ATXN1: variants seen among roughly 807,000 people sequenced by gnomAD.
The protein encoded by ATXN1 is ataxin-1.
Under a neutral mutation model 56.4 loss-of-function variants are expected in ATXN1, and 8 were observed. The ratio of observed to expected loss-of-function variants is 0.14; its 90% CI spans 0.08 to 0.26. ATXN1 has a LOEUF of 0.26. Ranked by LOEUF, ATXN1 falls within the 10% of genes least tolerant of loss-of-function variation. The probability of loss-of-function intolerance (pLI) is 1.00; values close to 1 mark genes in which losing one functional copy is unlikely to be tolerated. For missense variants in ATXN1, 987 were observed against 1,106.5 expected, an observed-to-expected ratio of 0.89 and a Z score of 1.53; for synonymous variants, 514 against 494.6, an observed-to-expected ratio of 1.04 and a Z score of -0.52.
chr6:16,500,338 A>G (rs1343423550), intron 5 of ATXN1, among the ~76,000 whole-genome samples: 3 of 152,156 alleles, frequency 2.0e-5, no homozygotes, highest in African/African-American at 7.2e-5. Flanking sequence ...ATTGATTTTA[A>G]TACAATTGTT....
At chr6:16,502,707 C>G (rs945664307) in intron 5 of ATXN1, among the ~76,000 whole-genome samples, 2 of 152,064 alleles carry the variant, frequency 1.3e-5, no homozygotes, top group African/African-American at 4.8e-5. Context: ...GACAAGAAAA[C>G]TCAGAAAAAA....
chr6:16,554,270 C>T (rs1761971767), intron 4 of ATXN1, among the ~76,000 whole-genome samples: 1 of 152,164 alleles, frequency 6.6e-6, no homozygotes, highest in Admixed American at 6.5e-5. Flanking sequence ...TTGTTCAAGG[C>T]CATCAAGAGG....
At chr6:16,311,221 T>G (rs1431150613) in intron 7 of ATXN1, among the ~76,000 whole-genome samples, 1 of 152,250 alleles carries the variant, frequency 6.6e-6, no homozygotes, top group Non-Finnish European at 1.5e-5. Flanking sequence ...GCTCTTCCAA[T>G]TTTGTAAATT....
chr6:16,620,704 G>C (rs1021039180), intron 3 of ATXN1, among the ~76,000 whole-genome samples: 3 of 152,190 alleles, frequency 2.0e-5, no homozygotes, highest in Non-Finnish European at 4.4e-5. Context: ...AAAGGCTTTA[G>C]CCCTCCATGG....
intron 6 of ATXN1, among the ~76,000 whole-genome samples, chr6:16,470,935 A>C (rs1009571188): frequency 3.3e-5 from 5 of 152,196 alleles, no homozygotes; most frequent in Non-Finnish European, 7.3e-5. Flanking sequence ...TGTCTCAACA[A>C]GACTGTTTTT....
intron 2 of ATXN1, among the ~76,000 whole-genome samples, chr6:16,668,525 T>TATA (rs1185603825): frequency 6.6e-6 from 1 of 152,136 alleles, no homozygotes; most frequent in African/African-American, 2.4e-5. Context: ...AACAGGAGTC[T>TATA]ATAGAGTTCA....
intron 3 of ATXN1, among the ~76,000 whole-genome samples, chr6:16,633,612 T>C (rs1763543590): frequency 6.6e-6 from 1 of 152,208 alleles, no homozygotes; most frequent in Admixed American, 6.5e-5. Context: ...CTGAGGTTCC[T>C]GCCTTGCGAG....
chr6:16,299,915 C>T lies in ATXN1; in HGVS notation c.*6414G>A, dbSNP rs1231555523. 1 of 152,670 alleles carries T rather than the reference C, an allele frequency of 6.6e-6. No individual in the cohort carries two copies. Among genetic ancestry groups the T allele is most frequent in the Non-Finnish European group, 1.5e-5 (1 of 68,056 alleles). The allele number at this position is 152,670 out of a possible 1,614,324, so 9.5% of individuals were successfully genotyped here. A position where few individuals can be genotyped will look rare whatever the true frequency, so the allele number is the denominator to read the frequency against. On this transcript the variant is annotated 3_prime_UTR_variant, in exon 8 of 8. Coordinates refer to ENST00000436367, the MANE Select transcript of ATXN1 (RefSeq NM_001128164.2). ...ACTAACTAAAGGATTTACCCCACTC[C>T]TGGGCCAGAAAACTGAAAGAGTAGG...
chr6:16,673,740 C>G (rs964864412), intron 2 of ATXN1, among the ~76,000 whole-genome samples: 6 of 152,114 alleles, frequency 3.9e-5, no homozygotes, highest in African/African-American at 1.4e-4. Flanking sequence ...CAGCCTCAAA[C>G]TCCTGAGCTC....
chr6:16,397,089 T>C (rs1758473338), intron 6 of ATXN1, among the ~76,000 whole-genome samples: 1 of 152,198 alleles, frequency 6.6e-6, no homozygotes, highest in African/African-American at 2.4e-5. Context: ...TGCACGACTG[T>C]CCTATATGGT....
chr6:16,497,737 A>C (rs1760806733), intron 5 of ATXN1, among the ~76,000 whole-genome samples: 1 of 152,168 alleles, frequency 6.6e-6, no homozygotes, highest in African/African-American at 2.4e-5. Flanking sequence ...CCTTCTAGTA[A>C]GGAAGAGGTG....
intron 6 of ATXN1, among the ~76,000 whole-genome samples, chr6:16,423,628 T>C (rs1186330519): frequency 6.6e-6 from 1 of 152,160 alleles, no homozygotes; most frequent in Non-Finnish European, 1.5e-5. Flanking sequence ...GGAGGGTGAC[T>C]TAAGGTGGGC....
intron 1 of ATXN1, among the ~76,000 whole-genome samples, chr6:16,756,597 G>C (rs1173477132): frequency 6.6e-6 from 1 of 152,156 alleles, no homozygotes; most frequent in Non-Finnish European, 1.5e-5. Context: ...ATCTCTCACA[G>C]AAACTAATCA....
At chr6:16,448,424 G>A (rs781669534) in intron 6 of ATXN1, among the ~76,000 whole-genome samples, 4 of 152,106 alleles carry the variant, frequency 2.6e-5, no homozygotes, top group African/African-American at 7.2e-5. Context: ...TGTTTCCTGC[G>A]CTAGAATGAT....
intron 3 of ATXN1, among the ~76,000 whole-genome samples, chr6:16,611,459 G>A (rs553196736): frequency 1.2e-4 from 18 of 152,232 alleles, no homozygotes; most frequent in East Asian, 7.7e-4. Context: ...TAGAATAAGC[G>A]TATCAACATT....
intron 2 of ATXN1, among the ~76,000 whole-genome samples, chr6:16,679,276 G>GA (rs1758754731): frequency 7.2e-6 from 1 of 138,178 alleles, no homozygotes; most frequent in Admixed American, 7.2e-5. Context: ...GAGTTAGTGG[G>GA]TGGATGGATG....
At chr6:16,490,015 G>A (rs1209449100) in intron 5 of ATXN1, among the ~76,000 whole-genome samples, 1 of 151,154 alleles carries the variant, frequency 6.6e-6, no homozygotes. Context: ...AAGGTTAAAT[G>A]TTTCTGTCAA....
intron 2 of ATXN1, among the ~76,000 whole-genome samples, chr6:16,687,470 A>T (rs1027391354): frequency 2.4e-4 from 36 of 152,156 alleles, no homozygotes; most frequent in African/African-American, 8.4e-4. Flanking sequence ...CTAGTCTGAC[A>T]TTTATTAGCA....
At position 16,346,330 on chromosome 6, in the gene ATXN1, AC is replaced by A. The variant is rs377145859; in HGVS notation, c.-160-17861del. 5.7e-4 allele frequency among the ~76,000 whole-genome samples: 87 copies of A among 152,282 alleles called. No homozygotes were observed. In the East Asian group the frequency reaches 0.017, roughly 29 times the overall value. On this transcript the variant is annotated intron_variant, in intron 6 of 7. Coordinates refer to ENST00000436367, the MANE Select transcript of ATXN1 (RefSeq NM_001128164.2). ...CGGCCTCCCAAAGTGGGAGTGAGCC[AC>A]CGCTTGGGATTACAGCCCTGAGCCA...
Sources: allele counts gnomAD v4.1 joint callset (sites outside exome capture counted in the v4.1 genomes callset), GRCh38; gene constraint gnomAD v4.1.1; transcripts MANE v1.5; gene names NCBI Gene and HGNC (gene_info 2026-07-23, HGNC 2026-07-21).